MTMR14: variants seen among roughly 807,000 people sequenced by gnomAD.
MTMR14 encodes the protein phosphatidylinositol-3,5-bisphosphate 3-phosphatase MTMR14.
In MTMR14, 48 loss-of-function variants were observed where a neutral mutation model predicts 86.3. The ratio of observed to expected loss-of-function variants is 0.56; its 90% CI spans 0.44 to 0.71. MTMR14 has a LOEUF of 0.71. Among genes scored for constraint, MTMR14 ranks in the 30% least tolerant of loss-of-function variants. The pLI is 0.00. For synonymous variants in MTMR14, 366 were observed against 326.1 expected (o/e 1.12, Z -1.32); for missense variants, 780 against 834.6 (o/e 0.93, Z 0.81).
At position 9,689,058 on chromosome 3, in the gene MTMR14, C is replaced by G; in HGVS notation, c.1409C>G (p.Ala470Gly). ...FTYEAVELVP[A>G]GAPTQAAWRK... Reference sequence around the variant, plus strand: ...TATGAGGCCGTGGAGCTGGTCCCAGCAGGAGCGCCAACTCAGGCAGCTTGG... The same window carrying G: ...TATGAGGCCGTGGAGCTGGTCCCAGGAGGAGCGCCAACTCAGGCAGCTTGG... The change falls in exon 16 of 19, where the codon GCA (alanine) becomes GGA (glycine). Residue 470 changes from alanine to glycine, a missense_variant. By Grantham distance (60) the Ala-to-Gly change is moderately conservative (BLOSUM62 0). Transcript: ENST00000296003. The G allele has an allele frequency of 6.2e-7, 1 of 1,612,934 alleles. No homozygotes were observed. The highest frequency in any genetic ancestry group is 8.5e-7 in the Non-Finnish European group (1 of 1,180,038).
At chr3:9,661,280 G>A (rs1486735538) in intron 2 of MTMR14, among the ~76,000 whole-genome samples, 5 of 152,160 alleles carry the variant, frequency 3.3e-5, no homozygotes, top group African/African-American at 7.2e-5. Flanking sequence ...ACGGCAGGGT[G>A]GAGAAAATGG....
intron 4 of MTMR14, 91 bp downstream of exon 4, chr3:9,668,885 A>C (rs2048408052): frequency 7.5e-7 from 1 of 1,334,764 alleles, no homozygotes; most frequent in Non-Finnish European, 1.1e-6. Context: ...CACGCCTGTA[A>C]TCTCAACACT....
intron 6 of MTMR14, 36 bp from the exon 7 acceptor site, chr3:9,672,649 T>A (rs1305944109): frequency 1.3e-6 from 2 of 1,555,382 alleles, no homozygotes; most frequent in African/African-American, 2.7e-5. Flanking sequence ...GTGTGTGTGT[T>A]GCGACACTGT....
intron 7 of MTMR14, among the ~76,000 whole-genome samples, chr3:9,673,716 C>G (rs1401984787): frequency 6.6e-6 from 1 of 152,108 alleles, no homozygotes; most frequent in Non-Finnish European, 1.5e-5. Context: ...AGCCCTAGCA[C>G]TGTGTCTCCT....
chr3:9,683,549 T>C, intron 10 of MTMR14: 1 of 372,988 alleles, frequency 2.7e-6, no homozygotes, highest in South Asian at 2.5e-5. Flanking sequence ...GATGGGCCTC[T>C]CATTCAGAAA....
Position 9,660,019 on chromosome 3 carries a change from G to T in MTMR14, c.309-2248G>T, listed in dbSNP as rs149254980. Among the ~76,000 whole-genome samples the T allele has an allele frequency of 4.6e-5, 7 of 152,336 alleles. No homozygotes were observed. The East Asian group carries it at 1.3e-3, about 29-fold the overall frequency. On this transcript the variant is annotated intron_variant, in intron 2 of 18. Transcript: ENST00000296003. ...AAGTGAGAGTCGGTTGCAGCAGATG[G>T]TGCTGACCAGATATGTGACATCGGC...
chr3:9,650,416 C>G (rs1417272831), intron 1 of MTMR14: 5 of 455,316 alleles, frequency 1.1e-5, no homozygotes, highest in African/African-American at 2.0e-5. Context: ...GGAATCTTGC[C>G]GACCCTGCCA....
chr3:9,698,012 G>A, intron 18 of MTMR14, 146 bp downstream of exon 18: 4 of 1,181,368 alleles, frequency 3.4e-6, no homozygotes, highest in Non-Finnish European at 5.0e-6. Flanking sequence ...CTGGACCCGA[G>A]GTATGAAGGA....
At chr3:9,691,849 T>C (rs1208330621) in intron 17 of MTMR14, among the ~76,000 whole-genome samples, 1 of 152,164 alleles carries the variant, frequency 6.6e-6, no homozygotes, top group Admixed American at 6.6e-5. Context: ...TTGGGATAGC[T>C]GGACCAAGAT....
chr3:9,656,077 C>G (rs2047584718), intron 2 of MTMR14, among the ~76,000 whole-genome samples: 1 of 152,070 alleles, frequency 6.6e-6, no homozygotes, highest in Non-Finnish European at 1.5e-5. Flanking sequence ...CGCCTGTAAT[C>G]CCAGCTACTC....
At chr3:9,695,421 C>G (rs769055947) in intron 17 of MTMR14, among the ~76,000 whole-genome samples, 1 of 152,202 alleles carries the variant, frequency 6.6e-6, no homozygotes, top group Admixed American at 6.5e-5. Flanking sequence ...TGGCTGCTTG[C>G]TGAGAGATGC....
chr3:9,672,785 C>A, intron 7 of MTMR14, 27 bp downstream of exon 7: 2 of 1,605,908 alleles, frequency 1.2e-6, no homozygotes, highest in East Asian at 2.2e-5. Flanking sequence ...TAGTGGCAGG[C>A]ATCCTAGGAC....
In MTMR14 at chr3:9,688,924, A is replaced by T; in HGVS notation, c.1295-20A>T. 3 of 1,613,682 alleles carry T rather than the reference A, an allele frequency of 1.9e-6. No homozygotes were observed. Among genetic ancestry groups the T allele is most frequent in the Non-Finnish European group, 2.5e-6 (3 of 1,179,996 alleles). On this transcript the variant is annotated intron_variant, in intron 15 of 18. Coordinates refer to ENST00000296003, the MANE Select transcript of MTMR14 (RefSeq NM_001077525.3). ...GTGGGAGAAGGTAACACGCTGACTG[A>T]TGGCACTGGCTTCTTTTAGGACGAA...
At chr3:9,652,066 G>C (rs1385089120) in intron 1 of MTMR14, among the ~76,000 whole-genome samples, 1 of 152,036 alleles carries the variant, frequency 6.6e-6, no homozygotes, top group South Asian at 2.1e-4. Context: ...TCTTGAACTC[G>C]TGATCTGCCC....
intron 14 of MTMR14, 100 bp downstream of exon 14, chr3:9,687,991 C>G: frequency 1.9e-6 from 2 of 1,036,882 alleles, no homozygotes; most frequent in Non-Finnish European, 2.9e-6. Flanking sequence ...CGCCCTGCCT[C>G]CCTGCTTGTT....
At chr3:9,695,477 A>C (rs1237614105) in intron 17 of MTMR14, among the ~76,000 whole-genome samples, 1 of 152,172 alleles carries the variant, frequency 6.6e-6, no homozygotes, top group Non-Finnish European at 1.5e-5. Context: ...TGTGCTGCCT[A>C]ATCCATCCGA....
chr3:9,677,941 C>T lies in MTMR14; in HGVS notation c.823-43C>T. The T allele has an allele frequency of 6.3e-7, 1 of 1,598,784 alleles. No homozygotes were observed. Among genetic ancestry groups the T allele is most frequent in the Non-Finnish European group, 8.6e-7 (1 of 1,166,994 alleles). On this transcript the variant is annotated intron_variant, in intron 8 of 18. Coordinates refer to ENST00000296003, the MANE Select transcript of MTMR14 (RefSeq NM_001077525.3). This position sits in a 1 kb window ranked among gnomAD's most constrained non-coding sequence, Gnocchi z 4.2. ...AGCTTCCCCATCACCTAAGCCTCCT[C>T]TGGTGGCCAACCCACATCTCACAGG...
Position 9,649,676 on chromosome 3 carries a change from G to A in MTMR14, c.93G>A (p.Glu31=), listed in dbSNP as rs2047165172. The A allele has an allele frequency of 5.0e-6, 8 of 1,607,312 alleles. No individual in the cohort carries two copies. The highest frequency in any genetic ancestry group is 5.9e-6 in the Non-Finnish European group (7 of 1,177,276). Residue 31 remains glutamate (E), a synonymous_variant, in exon 1 of 19, where the codon GAG becomes GAA. Transcript: ENST00000296003. Reference sequence around the variant, plus strand: ...CGCCTCAGGAGCTGGGGCTTGGGGAGCTGCTGGAGGAGTTCTCCCGGACTC... The same window carrying A: ...CGCCTCAGGAGCTGGGGCTTGGGGAACTGCTGGAGGAGTTCTCCCGGACTC... The part of the protein sequence containing the change: ...NQPPQELGLG[E]LLEEFSRTQY...
At chr3:9,662,093 A>C (rs1275221823) in intron 2 of MTMR14, among the ~76,000 whole-genome samples, 174 bp from the exon 3 acceptor site, 1 of 151,546 alleles carries the variant, frequency 6.6e-6, no homozygotes, top group Non-Finnish European at 1.5e-5. Flanking sequence ...CGTCTCAAAA[A>C]AATAGATAGA....
Sources: allele counts gnomAD v4.1 joint callset (sites outside exome capture counted in the v4.1 genomes callset), GRCh38; gene constraint gnomAD v4.1.1; non-coding constraint Gnocchi (gnomAD v3.1); transcripts MANE v1.5; gene names NCBI Gene and HGNC (gene_info 2026-07-23, HGNC 2026-07-21).